KIF17: variants seen among roughly 807,000 people sequenced by gnomAD.
The protein encoded by KIF17 is kinesin-like protein KIF17.
In KIF17, 80 loss-of-function variants were observed where a neutral mutation model predicts 96.8. The ratio of observed to expected loss-of-function variants is 0.83; its 90% CI spans 0.69 to 1.00. The LOEUF (loss-of-function observed/expected upper bound fraction) is 1.00, where lower values mean the gene tolerates loss of function less well. Ranked by LOEUF, KIF17 falls within the 50% of genes least tolerant of loss-of-function variation. The probability of loss-of-function intolerance (pLI) is 0.00; values close to 1 mark genes in which losing one functional copy is unlikely to be tolerated. For synonymous variants in KIF17, 567 were observed against 587.5 expected (o/e 0.97, Z 0.51); for missense variants, 1,280 against 1,372.9 (o/e 0.93, Z 1.07).
chr1:20,678,103 G>A (rs1422943727), intron 11 of KIF17, among the ~76,000 whole-genome samples: 1 of 152,202 alleles, frequency 6.6e-6, no homozygotes, highest in African/African-American at 2.4e-5. Flanking sequence ...GTTCCACATG[G>A]CTGGGGCGGC....
chr1:20,673,159 G>A (rs2053677357), intron 11 of KIF17: 1 of 151,908 alleles, frequency 6.6e-6, no homozygotes, highest in South Asian at 2.1e-4. Context: ...GGGAGGTGAA[G>A]GTGAAGATCA....
At position 20,682,643 on chromosome 1, in the gene KIF17, TG is replaced by T; in HGVS notation, c.2463+9del. Reference sequence around the variant, plus strand: ...GCAGCTGGGCATGGGGGGCTGCATCTGGGCCTCACCTTCCTCTGCATCTTCT... The same window carrying T: ...GCAGCTGGGCATGGGGGGCTGCATCTGGCCTCACCTTCCTCTGCATCTTCT... On this transcript the variant is annotated intron_variant, in intron 11 of 14. Transcript: ENST00000400463. The T allele has an allele frequency of 6.2e-7, 1 of 1,613,166 alleles. No individual in the cohort carries two copies. The highest frequency in any genetic ancestry group is 8.5e-7 in the Non-Finnish European group (1 of 1,179,326).
rs921401002 is a variant in KIF17, at chr1:20,709,860, C to A, written c.481-32G>T. 11 of 1,568,210 alleles carry A rather than the reference C, an allele frequency of 7.0e-6. No individual in the cohort carries two copies. The highest frequency in any genetic ancestry group is 9.5e-6 in the Non-Finnish European group (11 of 1,155,316). On this transcript the variant is annotated intron_variant, in intron 3 of 14. Transcript: ENST00000400463. This position sits in a 1 kb window ranked among gnomAD's most constrained non-coding sequence, Gnocchi z 4.7. ...GAGGAGGAACAGTCAGGGGCGGAAC[C>A]TCCAGCCGCCAAGGGTTAGGACCAG...
At chr1:20,683,619 C>T (rs1454190113) in intron 10 of KIF17, among the ~76,000 whole-genome samples, 4 of 151,980 alleles carry the variant, frequency 2.6e-5, no homozygotes, top group South Asian at 2.1e-4. Flanking sequence ...CGCACCACTG[C>T]ACTCCAGCCT....
At position 20,685,119 on chromosome 1, in the gene KIF17, G is replaced by T; in HGVS notation, c.2020-99C>A. On this transcript the variant is annotated intron_variant, in intron 9 of 14. Transcript: ENST00000400463. This position sits in a 1 kb window ranked among gnomAD's most constrained non-coding sequence, Gnocchi z 4.1. The stretch of plus-strand genomic sequence containing the variant: ...AATCCCAGACGGGGCCATTCCGCCT[G>T]CTGCAGCCCCGACAGATCACCTCCA... 1.1e-6 allele frequency: 1 copy of T among 917,302 alleles called. No individual in the cohort carries two copies. Among genetic ancestry groups the T allele is most frequent in the Non-Finnish European group, 1.8e-6 (1 of 569,212 alleles). 56.8% of individuals were successfully genotyped at this position (917,302 alleles called of 1,614,324 possible).
At chr1:20,670,312 G>C in intron 13 of KIF17, 109 bp downstream of exon 13, 1 of 1,085,124 alleles carries the variant, frequency 9.2e-7, no homozygotes, top group Non-Finnish European at 1.4e-6. Context: ...TTAATCCTTA[G>C]GCGGGAGGAA....
chr1:20,694,647 C>G (rs1231004233), intron 6 of KIF17, among the ~76,000 whole-genome samples: 1 of 152,230 alleles, frequency 6.6e-6, no homozygotes, highest in African/African-American at 2.4e-5. Context: ...ATGGACAGCA[C>G]TGATTTAGGC....
Position 20,717,785 on chromosome 1 carries a change from G to T in KIF17, c.-79C>A. 7.1e-7 allele frequency: 1 copy of T among 1,405,622 alleles called. No individual in the cohort carries two copies. The highest frequency in any genetic ancestry group is 9.2e-7 in the Non-Finnish European group (1 of 1,088,222). The allele number at this position is 1,405,622 out of a possible 1,614,324, so 87.1% of individuals were successfully genotyped here. ...CTCCCAGCAGCCCGGGCCAAGGGGC[G>T]GGGCCAGCGCCGGCCACGGGGGGCG... On this transcript the variant is annotated 5_prime_UTR_variant, in exon 1 of 15. Coordinates refer to ENST00000400463, the MANE Select transcript of KIF17 (RefSeq NM_001122819.3).
rs763837492 is a variant in KIF17 at position 20,704,820 on chromosome 1, G to C, written c.750C>G (p.Thr250=). The stretch of plus-strand genomic sequence containing the variant: ...CCTTGAGCCGCTCGCCCGTGGCCCC[G>C]GTCTTGGACTGCCGCTCGCTGCCCG... The part of the protein sequence containing the change: ...DLAGSERQSK[T]GATGERLKEA... The change falls in exon 5 of 15, where the codon ACC becomes ACG. Residue 250 remains threonine (T), a synonymous_variant. Coordinates refer to ENST00000400463, the MANE Select transcript of KIF17 (RefSeq NM_001122819.3). The surrounding 1 kb of genome is among the most constrained non-coding windows in gnomAD (Gnocchi z 6.8). The C allele has an allele frequency of 6.2e-6, 10 of 1,607,024 alleles. No individual in the cohort carries two copies. The highest frequency in any genetic ancestry group is 8.5e-7 in the Non-Finnish European group (1 of 1,179,850).
chr1:20,713,619 G>C, intron 2 of KIF17, 64 bp from the exon 3 acceptor site: 1 of 1,242,698 alleles, frequency 8.0e-7, no homozygotes, highest in Non-Finnish European at 1.2e-6. Flanking sequence ...TGCCAGGTCT[G>C]ACCCTGGGGC....
intron 4 of KIF17, among the ~76,000 whole-genome samples, chr1:20,706,540 G>C (rs573183654): frequency 1.3e-5 from 2 of 151,896 alleles, no homozygotes; most frequent in Non-Finnish European, 2.9e-5. Context: ...GCAGTGAGCC[G>C]AGATTGCAAC....
chr1:20,686,106 C>T lies in KIF17; in HGVS notation c.1959G>A (p.Leu653=). 1 of 1,568,034 alleles carries T rather than the reference C, an allele frequency of 6.4e-7. No individual in the cohort carries two copies. The highest frequency in any genetic ancestry group is 1.2e-5 in the South Asian group (1 of 85,084). ...CGGGCCTGGCATCACTGGGCTCCAG[C>T]AGGTCTGTCGGCGCAGGGACCTGGG... is the stretch of plus-strand genomic sequence containing the variant. ...VPVQVPAPTD[L]LEPSDARPEA... The change falls in exon 9 of 15, where the codon CTG becomes CTA. Residue 653 remains leucine, a synonymous_variant. Transcript: ENST00000400463.
chr1:20,695,471 G>A (rs2054120598), intron 6 of KIF17, among the ~76,000 whole-genome samples: 1 of 152,200 alleles, frequency 6.6e-6, no homozygotes, highest in Admixed American at 6.5e-5. Flanking sequence ...TTACAGGCAT[G>A]AGCCACTGCA....
chr1:20,677,430 T>C (rs1254954774), intron 11 of KIF17, among the ~76,000 whole-genome samples: 1 of 152,122 alleles, frequency 6.6e-6, no homozygotes, highest in Non-Finnish European at 1.5e-5. Flanking sequence ...ACAGAAGTCA[T>C]ATGCACAGGC....
intron 11 of KIF17, among the ~76,000 whole-genome samples, chr1:20,682,109 C>T (rs976975159): frequency 2.0e-5 from 3 of 151,878 alleles, no homozygotes; most frequent in Non-Finnish European, 1.5e-5. Context: ...CGCACACCCA[C>T]ACACACACAC....
rs529861400 is a variant in KIF17, at chr1:20,668,126, T to C, written c.2791-1795A>G. ...GAGATTGAGACCATCCTGGCTAACA[T>C]GGTGAAACCCCGTCTCTACTAAAAA... On this transcript the variant is annotated intron_variant, in intron 13 of 14. Transcript: ENST00000400463. Among the ~76,000 whole-genome samples the C allele has an allele frequency of 7.2e-5, 11 of 151,948 alleles. No individual in the cohort carries two copies. In the East Asian group the frequency reaches 1.2e-3, roughly 16 times the overall value.
rs780283220 is a variant in KIF17, at chr1:20,717,746, C to G, written c.-40G>C. The G allele has an allele frequency of 1.3e-6, 2 of 1,511,100 alleles. No individual in the cohort carries two copies. The highest frequency in any genetic ancestry group is 8.8e-7 in the Non-Finnish European group (1 of 1,136,982). 93.6% of individuals were successfully genotyped at this position (1,511,100 alleles called of 1,614,324 possible). ...GACCAACGGGACCAGAGCTGACCCC[C>G]GCCCCGCCGGGGACTCCCAGCAGCC... On this transcript the variant is annotated 5_prime_UTR_variant, in exon 1 of 15. Coordinates refer to ENST00000400463, the MANE Select transcript of KIF17 (RefSeq NM_001122819.3).
Position 20,686,138 on chromosome 1 carries a change from GA to G in KIF17, c.1939-13del, listed in dbSNP as rs747933969. ...GTCGGCGCAGGGACCTGGGAGGAAA[GA>G]GGGGATGGAGGAGAAAGAAGGCTGA... is the stretch of plus-strand genomic sequence containing the variant. On this transcript the variant is annotated splice_polypyrimidine_tract_variant and intron_variant, in intron 8 of 14. Coordinates refer to ENST00000400463, the MANE Select transcript of KIF17 (RefSeq NM_001122819.3). 3 of 1,559,322 alleles carry G rather than the reference GA, an allele frequency of 1.9e-6. No individual in the cohort carries two copies. The highest frequency in any genetic ancestry group is 2.6e-6 in the Non-Finnish European group (3 of 1,150,822).
chr1:20,673,825 G>A (rs142167764), intron 11 of KIF17, among the ~76,000 whole-genome samples: 19 of 151,798 alleles, frequency 1.3e-4, no homozygotes, highest in African/African-American at 2.4e-4. Flanking sequence ...CACCGCGCCC[G>A]GCCCTGCTCC....
Sources: gnomAD v4.1 joint callset for allele counts (sites outside exome capture counted in the v4.1 genomes callset) on GRCh38, gnomAD v4.1.1 for gene constraint, Gnocchi (gnomAD v3.1) non-coding constraint, MANE v1.5 for transcripts, NCBI Gene and HGNC (gene_info 2026-07-23, HGNC 2026-07-21) for gene names.